The following XAB2 variants were observed in gnomAD, a reference collection of about 807,000 sequenced individuals.
XAB2 encodes the protein XPA binding protein 2, also known as pre-mRNA-splicing factor SYF1.
XAB2 carries 57 observed loss-of-function variants against 113.4 expected under a neutral mutation model. The observed-to-expected ratio is 0.50, with a 90% CI of 0.41 to 0.63. The LOEUF (loss-of-function observed/expected upper bound fraction) is 0.63, where lower values mean the gene tolerates loss of function less well. Among genes scored for constraint, XAB2 ranks in the 20% least tolerant of loss-of-function variants. XAB2 has a pLI of 0.00. For synonymous variants in XAB2, 497 were observed against 498.8 expected, an observed-to-expected ratio of 1.00 and a Z score of 0.05; for missense variants, 1,037 against 1,233.3, an observed-to-expected ratio of 0.84 and a Z score of 2.38.
intron 16 of XAB2, 32 bp downstream of exon 16, chr19:7,620,243 G>C (rs1354610163): frequency 3.1e-6 from 5 of 1,611,388 alleles, no homozygotes; most frequent in Non-Finnish European, 4.2e-6. Context: ...AGATGCCCTG[G>C]ATCAGGAACT....
intron 4 of XAB2, 42 bp from the exon 5 acceptor site, chr19:7,626,312 G>A (rs758997488): frequency 3.1e-6 from 5 of 1,589,834 alleles, no homozygotes; most frequent in Non-Finnish European, 4.3e-6. Context: ...TGGGGTGGCA[G>A]GGCTACGCCC....
Position 7,624,685 on chromosome 19 carries a change from C to T in XAB2, c.823-240G>A, listed in dbSNP as rs1372188228. Among the ~76,000 whole-genome samples, 1 of 152,142 alleles carries T rather than the reference C, an allele frequency of 6.6e-6. No homozygotes were observed. The highest frequency in any genetic ancestry group is 1.5e-5 in the Non-Finnish European group (1 of 68,018). ...ACCTCCTCAGTAAACTGGGTGACTG[C>T]CCTTTGCACACAGTGACCTCAGGGC... On this transcript the variant is annotated intron_variant, in intron 6 of 18. Transcript: ENST00000358368. This position sits in a 1 kb window ranked among gnomAD's most constrained non-coding sequence, Gnocchi z 4.2.
chr19:7,623,827 C>A lies in XAB2; in HGVS notation c.1023G>T (p.Arg341=). 6.2e-7 allele frequency: 1 copy of A among 1,610,588 alleles called. No individual in the cohort carries two copies. The highest frequency in any genetic ancestry group is 8.5e-7 in the Non-Finnish European group (1 of 1,179,238). The change falls in exon 8 of 19, where the codon CGG becomes CGT. Residue 341 remains arginine, a synonymous_variant. Transcript: ENST00000358368. This position sits in a 1 kb window ranked among gnomAD's most constrained non-coding sequence, Gnocchi z 4.6. ...GCAAGACGCTGTTGAGGAGCAGGGGCCGCCGGCTGATGAGCTGCTCGAAGC... is the reference window on the plus strand; with the variant it reads ...GCAAGACGCTGTTGAGGAGCAGGGGACGCCGGCTGATGAGCTGCTCGAAGC... ...LARFEQLISR[R]PLLLNSVLLR...
intron 12 of XAB2, chr19:7,621,985 G>C (rs1010996818): frequency 4.1e-6 from 1 of 243,440 alleles, no homozygotes; most frequent in Non-Finnish European, 8.1e-6. Flanking sequence ...AGATCACTAA[G>C]TTAAACTGAG....
rs1422603313 is a variant in XAB2 at position 7,623,070 on chromosome 19, GCA to G, written c.1239+98_1239+99del. ...CCCAAATGCACATGCACACACACGT[GCA>G]CACATCCATGCACAAATATGTACAC... On this transcript the variant is annotated intron_variant, in intron 9 of 18. Transcript: ENST00000358368. This position sits in a 1 kb window ranked among gnomAD's most constrained non-coding sequence, Gnocchi z 4.6. 1.9e-6 allele frequency: 3 copies of G among 1,571,262 alleles called. No individual in the cohort carries two copies. The highest frequency in any genetic ancestry group is 2.6e-6 in the Non-Finnish European group (3 of 1,159,504).
Position 7,627,877 on chromosome 19 carries a change from T to C in XAB2, c.201-26A>G. The C allele has an allele frequency of 6.2e-7, 1 of 1,604,804 alleles. No individual in the cohort carries two copies. Among genetic ancestry groups the C allele is most frequent in the Non-Finnish European group, 8.5e-7 (1 of 1,172,634 alleles). ...CTGGGGAATAGGAGGGGACAGATGC[T>C]GATCGGTCAGCTTTATGGACACCCC... On this transcript the variant is annotated intron_variant, in intron 2 of 18. Transcript: ENST00000358368. The surrounding 1 kb of genome is among the most constrained non-coding windows in gnomAD (Gnocchi z 4.5).
At chr19:7,620,224 G>T (rs767628386) in intron 16 of XAB2, 51 bp downstream of exon 16, 2 of 1,608,642 alleles carry the variant, frequency 1.2e-6, no homozygotes, top group Non-Finnish European at 1.7e-6. Flanking sequence ...CCCAGGTCAG[G>T]CCGGGCTGAG....
chr19:7,626,716 C>T (rs2031147600), intron 4 of XAB2, among the ~76,000 whole-genome samples: 1 of 152,068 alleles, frequency 6.6e-6, no homozygotes, highest in Non-Finnish European at 1.5e-5. Context: ...CCCTTTGGGT[C>T]AGCCTTGATC....
rs1314309318 is a variant in XAB2, at chr19:7,629,460, C to T, written c.51+17G>A. ...ATGCCCCAACGCAGGCCACCCCCGG[C>T]TCCTCTGTGGACTCACGAAGACAAG... is the stretch of plus-strand genomic sequence containing the variant. On this transcript the variant is annotated intron_variant, in intron 1 of 18. Transcript: ENST00000358368. The T allele has an allele frequency of 1.3e-6, 2 of 1,589,454 alleles. No homozygotes were observed. Among genetic ancestry groups the T allele is most frequent in the Non-Finnish European group, 1.7e-6 (2 of 1,168,272 alleles).
chr19:7,629,328 G>A, intron 1 of XAB2, 149 bp downstream of exon 1: 1 of 918,338 alleles, frequency 1.1e-6, no homozygotes, highest in Non-Finnish European at 1.7e-6. Context: ...GTGCGGACAT[G>A]ACGATCCGGT....
Position 7,623,648 on chromosome 19 carries a change from G to T in XAB2, c.1119+83C>A. 1 of 1,493,284 alleles carries T rather than the reference G, an allele frequency of 6.7e-7. No individual in the cohort carries two copies. The highest frequency in any genetic ancestry group is 1.3e-5 in the South Asian group (1 of 75,522). 92.5% of individuals were successfully genotyped at this position (1,493,284 alleles called of 1,614,324 possible). A position where few individuals can be genotyped will look rare whatever the true frequency, so the allele number is the denominator to read the frequency against. On this transcript the variant is annotated intron_variant, in intron 8 of 18. Coordinates refer to ENST00000358368, the MANE Select transcript of XAB2 (RefSeq NM_020196.3). This position sits in a 1 kb window ranked among gnomAD's most constrained non-coding sequence, Gnocchi z 4.6. ...AAGCAAAGTCAGGCCCCTAGAAGGT[G>T]ACATTATGGGTGAAGGTGGGTGGCT... is the stretch of plus-strand genomic sequence containing the variant.
At position 7,624,915 on chromosome 19, in the gene XAB2, C is replaced by T. The variant is rs768703131; in HGVS notation, c.823-470G>A. On this transcript the variant is annotated intron_variant, in intron 6 of 18. Coordinates refer to ENST00000358368, the MANE Select transcript of XAB2 (RefSeq NM_020196.3). This position sits in a 1 kb window ranked among gnomAD's most constrained non-coding sequence, Gnocchi z 4.2. ...CTGGCTCGCCCACCCCAGCTCAGGT[C>T]CCCTCTCTCTACCCAGCCCTGACGG... Among the ~76,000 whole-genome samples the T allele has an allele frequency of 4.4e-4, 67 of 152,166 alleles. No homozygotes were observed. The highest frequency in any genetic ancestry group is 2.4e-3 in the Admixed American group (37 of 15,282).
chr19:7,622,915 A>AG, intron 9 of XAB2, 22 bp from the exon 10 acceptor site: 1 of 1,611,546 alleles, frequency 6.2e-7, no homozygotes, highest in Non-Finnish European at 8.5e-7. Context: ...GGCAGAGGCG[A>AG]GGCTGAGACC....
rs1255946719 is a variant in XAB2, at chr19:7,624,197, C to G, written c.967+104G>C. Reference sequence around the variant, plus strand: ...CACTCAGCCTCCTTCCCTGCTGGCCCCCAGCTGAGCCTCCCAGGGCTGCCT... The same window carrying G: ...CACTCAGCCTCCTTCCCTGCTGGCCGCCAGCTGAGCCTCCCAGGGCTGCCT... On this transcript the variant is annotated intron_variant, in intron 7 of 18. Transcript: ENST00000358368. The surrounding 1 kb of genome is among the most constrained non-coding windows in gnomAD (Gnocchi z 4.2). 2.0e-5 allele frequency: 31 copies of G among 1,560,510 alleles called. No homozygotes were observed. Among genetic ancestry groups the G allele is most frequent in the Non-Finnish European group, 2.7e-5 (31 of 1,152,624 alleles).
In XAB2 at chr19:7,626,182, A is replaced by T; in HGVS notation, c.611T>A (p.Val204Glu). ...DEAAQRLATV[V>E]NDERFVSKAG... ...CTTAGACACGAAACGCTCGTCGTTCACCACGGTGGCCAGGCGCTGGGCGGC... is the reference window on the plus strand; with the variant it reads ...CTTAGACACGAAACGCTCGTCGTTCTCCACGGTGGCCAGGCGCTGGGCGGC... The change falls in exon 5 of 19, where the codon GTG becomes GAG. Residue 204 changes from valine (V) to glutamate (E), a missense_variant. By Grantham distance (121) the Val-to-Glu change is moderately radical. Transcript: ENST00000358368. 6.2e-7 allele frequency: 1 copy of T among 1,613,754 alleles called. No homozygotes were observed. The highest frequency in any genetic ancestry group is 8.5e-7 in the Non-Finnish European group (1 of 1,180,006).
Position 7,623,416 on chromosome 19 carries a change from G to GA in XAB2, c.1120-128dup. ...GCCCCTGTCGGGAGAGGCCAGAAACGAACTATGGCCCTTGACAATGGTCAG... is the reference window on the plus strand; with the variant it reads ...GCCCCTGTCGGGAGAGGCCAGAAACGAAACTATGGCCCTTGACAATGGTCAG... On this transcript the variant is annotated intron_variant, in intron 8 of 18. Transcript: ENST00000358368. The surrounding 1 kb of genome is among the most constrained non-coding windows in gnomAD (Gnocchi z 4.6). The GA allele has an allele frequency of 7.8e-7, 1 of 1,274,796 alleles. No individual in the cohort carries two copies. Among genetic ancestry groups the GA allele is most frequent in the Non-Finnish European group, 1.1e-6 (1 of 919,950 alleles). The allele number at this position is 1,274,796 out of a possible 1,614,324, so 79.0% of individuals were successfully genotyped here.
Position 7,624,332 on chromosome 19 carries a change from C to T in XAB2, c.936G>A (p.Glu312=), listed in dbSNP as rs150562314. The change falls in exon 7 of 19, where the codon GAG becomes GAA. Residue 312 remains glutamate, a synonymous_variant. Transcript: ENST00000358368. The surrounding 1 kb of genome is among the most constrained non-coding windows in gnomAD (Gnocchi z 4.2). The part of the protein sequence containing the change: ...FEESMIAAKM[E]TASELGREEE... ...CCTCGCGCCCCAGCTCCGAGGCGGT[C>T]TCCATCTTTGCAGCGATCATGCTCT... 4 of 1,613,962 alleles carry T rather than the reference C, an allele frequency of 2.5e-6. No homozygotes were observed. The African/African-American group carries it at 5.3e-5, about 22-fold the overall frequency.
chr19:7,627,527 A>T lies in XAB2; in HGVS notation c.325-87T>A, dbSNP rs541238076. On this transcript the variant is annotated intron_variant, in intron 3 of 18. Coordinates refer to ENST00000358368, the MANE Select transcript of XAB2 (RefSeq NM_020196.3). This position sits in a 1 kb window ranked among gnomAD's most constrained non-coding sequence, Gnocchi z 4.5. Reference sequence around the variant, plus strand: ...ACTCGATGTCCTGTGGCTGAGCCACACCTGGGGCCACCACATAAATGCGGC... The same window carrying T: ...ACTCGATGTCCTGTGGCTGAGCCACTCCTGGGGCCACCACATAAATGCGGC... 4 of 1,532,020 alleles carry T rather than the reference A, an allele frequency of 2.6e-6. No individual in the cohort carries two copies. The East Asian group carries it at 9.3e-5, about 36-fold the overall frequency. 94.9% of individuals were successfully genotyped at this position (1,532,020 alleles called of 1,614,324 possible). A position where few individuals can be genotyped will look rare whatever the true frequency, so the allele number is the denominator to read the frequency against.
Position 7,629,466 on chromosome 19 carries a change from T to G in XAB2, c.51+11A>C, listed in dbSNP as rs2031212764. On this transcript the variant is annotated intron_variant, in intron 1 of 18. Coordinates refer to ENST00000358368, the MANE Select transcript of XAB2 (RefSeq NM_020196.3). ...CAACGCAGGCCACCCCCGGCTCCTCTGTGGACTCACGAAGACAAGGTCCGG... is the reference window on the plus strand; with the variant it reads ...CAACGCAGGCCACCCCCGGCTCCTCGGTGGACTCACGAAGACAAGGTCCGG... 1 of 1,594,078 alleles carries G rather than the reference T, an allele frequency of 6.3e-7. No homozygotes were observed. The highest frequency in any genetic ancestry group is 8.5e-7 in the Non-Finnish European group (1 of 1,170,578).
Sources: allele counts gnomAD v4.1 joint callset (sites outside exome capture counted in the v4.1 genomes callset), GRCh38; gene constraint gnomAD v4.1.1; non-coding constraint Gnocchi (gnomAD v3.1); transcripts MANE v1.5; gene names NCBI Gene and HGNC (gene_info 2026-07-23, HGNC 2026-07-21).